The following LYPD6 variants were observed in gnomAD, a reference collection of about 807,000 sequenced individuals.
LYPD6 encodes LY6/PLAUR domain containing 6, also known as ly6/PLAUR domain-containing protein 6.
In LYPD6, 15 loss-of-function variants were observed where a neutral mutation model predicts 22.7. That is an observed-to-expected ratio of 0.66 (90% confidence interval 0.44 to 1.02). The LOEUF (loss-of-function observed/expected upper bound fraction) is 1.02. Ranked by LOEUF, LYPD6 falls within the 50% of genes least tolerant of loss-of-function variation. LYPD6 has a pLI of 0.00. For missense variants in LYPD6, 189 were observed against 208.4 expected (o/e 0.91, Z 0.57); for synonymous variants, 72 against 77.5 (o/e 0.93, Z 0.37).
intron 1 of LYPD6, among the ~76,000 whole-genome samples, chr2:149,364,916 A>G (rs928554325): frequency 1.3e-5 from 2 of 152,132 alleles, no homozygotes; most frequent in Admixed American, 1.3e-4. Context: ...GAAGTTTTCA[A>G]AATCACCCCA....
At chr2:149,376,234 CAAAAG>C (rs1681918810) in intron 1 of LYPD6, among the ~76,000 whole-genome samples, 1 of 152,150 alleles carries the variant, frequency 6.6e-6, no homozygotes, top group Non-Finnish European at 1.5e-5. Flanking sequence ...AAAACTGGTA[CAAAAG>C]AAACAGCTCT....
chr2:149,442,960 CA>C, intron 2 of LYPD6, among the ~76,000 whole-genome samples: 1 of 152,060 alleles, frequency 6.6e-6, no homozygotes, highest in Non-Finnish European at 1.5e-5. Flanking sequence ...GAAAACTCAC[CA>C]AAAATGAGAT....
chr2:149,382,676 A>G (rs1226996037), intron 1 of LYPD6, among the ~76,000 whole-genome samples: 1 of 152,060 alleles, frequency 6.6e-6, no homozygotes, highest in African/African-American at 2.4e-5. Flanking sequence ...AGATTTAGTT[A>G]GTGTCAGAAC....
intron 1 of LYPD6, among the ~76,000 whole-genome samples, chr2:149,432,373 A>G (rs1683333021): frequency 1.3e-5 from 2 of 152,230 alleles, no homozygotes; most frequent in Non-Finnish European, 2.9e-5. Flanking sequence ...TAATGGATAA[A>G]CATAGTATGT....
chr2:149,442,960 C>A (rs1683601632), intron 2 of LYPD6, among the ~76,000 whole-genome samples: 1 of 152,060 alleles, frequency 6.6e-6, no homozygotes, highest in Non-Finnish European at 1.5e-5. Context: ...GAAAACTCAC[C>A]AAAAATGAGA....
intron 1 of LYPD6, among the ~76,000 whole-genome samples, chr2:149,413,797 T>C (rs1682903047): frequency 6.6e-6 from 1 of 152,228 alleles, no homozygotes. Flanking sequence ...ATTGATTTGC[T>C]ATGTGACTGT....
intron 1 of LYPD6, among the ~76,000 whole-genome samples, chr2:149,408,954 G>T (rs547198358): frequency 6.6e-6 from 1 of 152,240 alleles, no homozygotes; most frequent in Non-Finnish European, 1.5e-5. Context: ...CTGGTGAGCT[G>T]GTATGATCTT....
chr2:149,406,829 A>C (rs1242433013), intron 1 of LYPD6, among the ~76,000 whole-genome samples: 1 of 151,990 alleles, frequency 6.6e-6, no homozygotes, highest in East Asian at 1.9e-4. Context: ...TCCTAGCCTC[A>C]ATGGTCTTTA....
In LYPD6 at chr2:149,380,667, G is replaced by A. The variant is rs80041978; in HGVS notation, c.-72+49945G>A. ...ATGAGACCTCCAGGAGAAAACGTTG[G>A]GTAAACAGTTGGATACAGAAGTATG... On this transcript the variant is annotated intron_variant, in intron 1 of 4. Coordinates refer to ENST00000334166, the MANE Select transcript of LYPD6 (RefSeq NM_194317.5). 8.8e-3 allele frequency among the ~76,000 whole-genome samples: 1,341 copies of A among 152,152 alleles called. 5 individuals carry two copies. Among genetic ancestry groups the A allele is most frequent in the Middle Eastern group, 0.017 (5 of 294 alleles).
chr2:149,443,701 C>T (rs927431883), intron 2 of LYPD6, among the ~76,000 whole-genome samples: 7 of 151,958 alleles, frequency 4.6e-5, no homozygotes, highest in East Asian at 1.9e-4. Flanking sequence ...ATGGCTTTGG[C>T]GTTTGAGAAC....
chr2:149,348,553 A>G (rs1681302196), intron 1 of LYPD6, among the ~76,000 whole-genome samples: 1 of 152,240 alleles, frequency 6.6e-6, no homozygotes, highest in Non-Finnish European at 1.5e-5. Context: ...TGATGGCCTC[A>G]TGCCTGGCTT....
At chr2:149,408,045 G>A (rs1048718200) in intron 1 of LYPD6, among the ~76,000 whole-genome samples, 8 of 152,156 alleles carry the variant, frequency 5.3e-5, no homozygotes, top group African/African-American at 9.7e-5. Context: ...TTGCAAAACC[G>A]CGGATTTTCG....
chr2:149,330,311 C>A (rs1573720925), upstream of LYPD6: 1 of 151,920 alleles, frequency 6.6e-6, no homozygotes, highest in East Asian at 2.0e-4. Context: ...CGGGCGGGAG[C>A]GCGGCGCCCG....
chr2:149,395,474 T>G (rs1682409551), intron 1 of LYPD6, among the ~76,000 whole-genome samples: 1 of 152,226 alleles, frequency 6.6e-6, no homozygotes, highest in African/African-American at 2.4e-5. Flanking sequence ...GACAGTATAA[T>G]GCTATTGTAA....
At chr2:149,462,652 C>T (rs1018556177) in intron 3 of LYPD6, among the ~76,000 whole-genome samples, 1 of 151,718 alleles carries the variant, frequency 6.6e-6, no homozygotes, top group African/African-American at 2.4e-5. Context: ...TCAAACTACC[C>T]TATTTCAGGA....
chr2:149,461,062 GAAAAAGGAAGAGA>G (rs1163418091), intron 3 of LYPD6, among the ~76,000 whole-genome samples: 1 of 151,800 alleles, frequency 6.6e-6, no homozygotes, highest in Non-Finnish European at 1.5e-5. Flanking sequence ...TCAAGAAGAT[GAAAAAGGAAGAGA>G]AAAACAAACC....
chr2:149,341,606 A>G lies in LYPD6; in HGVS notation c.-72+10884A>G, dbSNP rs554286944. ...GATTGCATCTTAGACTCGTTGTGCT[A>G]CTATAACAAAATACCTGAGACTGGG... is the stretch of plus-strand genomic sequence containing the variant. On this transcript the variant is annotated intron_variant, in intron 1 of 4. Coordinates refer to ENST00000334166, the MANE Select transcript of LYPD6 (RefSeq NM_194317.5). Among the ~76,000 whole-genome samples the G allele has an allele frequency of 5.9e-5, 9 of 152,268 alleles. 1 individual carries two copies. Among genetic ancestry groups the G allele is most frequent in the Admixed American group, 2.0e-4 (3 of 15,292 alleles).
the LYPD6 span, among the ~76,000 whole-genome samples, chr2:149,480,358 T>G: frequency 6.6e-6 from 1 of 152,100 alleles, no homozygotes; most frequent in East Asian, 1.9e-4. Flanking sequence ...CCTCAGCTCT[T>G]TGCACAGTGT....
At chr2:149,371,126 C>T (rs962349334) in intron 1 of LYPD6, among the ~76,000 whole-genome samples, 2 of 152,148 alleles carry the variant, frequency 1.3e-5, no homozygotes, top group African/African-American at 4.8e-5. Context: ...GAGCAGGGGG[C>T]GAGACCATGG....
Sources: gnomAD v4.1 joint callset for allele counts (sites outside exome capture counted in the v4.1 genomes callset) on GRCh38, gnomAD v4.1.1 for gene constraint, MANE v1.5 for transcripts, NCBI Gene and HGNC (gene_info 2026-07-23, HGNC 2026-07-21) for gene names.